Variants in PLG observed in about 807,000 individuals in gnomAD.
PLG encodes the protein plasminogen.
PLG carries 41 observed loss-of-function variants against 104.4 expected under a neutral mutation model. The observed-to-expected ratio is 0.39, with a 90% CI of 0.31 to 0.51. The LOEUF is 0.51. Among genes scored for constraint, PLG ranks in the 20% least tolerant of loss-of-function variants. The pLI is 0.76. For synonymous variants in PLG, 337 were observed against 357.1 expected, an observed-to-expected ratio of 0.94 and a Z score of 0.63; for missense variants, 891 against 1,003.6, an observed-to-expected ratio of 0.89 and a Z score of 1.52.
rs1459528455 is a variant in PLG, at chr6:160,731,191, C to T, written c.1397C>T (p.Pro466Leu). 1.2e-6 allele frequency: 2 copies of T among 1,614,182 alleles called. No individual in the cohort carries two copies. The highest frequency in any genetic ancestry group is 1.7e-6 in the Non-Finnish European group (2 of 1,180,004). ...GTEASVVAPP[P>L]VVLLPDVETP... ...GAAGCGAGTGTTGTAGCACCTCCGC[C>T]TGTTGTCCTGCTTCCAGATGTAGAG... The change falls in exon 11 of 19, where the codon CCT (proline) becomes CTT (leucine). Residue 466 changes from proline to leucine, a missense_variant. Physicochemically the swap from Pro to Leu is moderately conservative, Grantham distance 98 (BLOSUM62 -3). Transcript: ENST00000308192. The surrounding 1 kb of genome is among the most constrained non-coding windows in gnomAD (Gnocchi z 5.1).
Position 160,722,531 on chromosome 6 carries a change from A to G in PLG, c.1220A>G (p.His407Arg), listed in dbSNP as rs1562376086. 6.2e-7 allele frequency: 1 copy of G among 1,614,018 alleles called. No individual in the cohort carries two copies. Among genetic ancestry groups the G allele is most frequent in the Non-Finnish European group, 8.5e-7 (1 of 1,179,916 alleles). ...KCQSWSSMTPHRHQKTPENYP... is the reference protein window; with the variant it reads ...KCQSWSSMTPRRHQKTPENYP... The stretch of plus-strand genomic sequence containing the variant: ...CAGTCTTGGTCATCTATGACACCAC[A>G]CCGGCACCAGAAGACCCCAGAAAAC... The change falls in exon 10 of 19, where the codon CAC becomes CGC. Residue 407 changes from histidine to arginine, a missense_variant. Transcript: ENST00000308192.
chr6:160,704,191 C>A (rs1777476349), intron 1 of PLG, among the ~76,000 whole-genome samples: 1 of 152,164 alleles, frequency 6.6e-6, no homozygotes, highest in Admixed American at 6.5e-5. Context: ...CCTATCAAAT[C>A]CTATTGCCAT....
chr6:160,723,732 T>C lies in PLG; in HGVS notation c.1256+1165T>C, dbSNP rs1191085987. 1.3e-5 allele frequency among the ~76,000 whole-genome samples: 2 copies of C among 152,074 alleles called. No individual in the cohort carries two copies. The highest frequency in any genetic ancestry group is 6.5e-5 in the Admixed American group (1 of 15,274). ...AGAAAATAGGATAAAGAACAGCTAC[T>C]GGGGAAAGAAAAACTGCAGGGGAAC... On this transcript the variant is annotated intron_variant, in intron 10 of 18. Transcript: ENST00000308192. This position sits in a 1 kb window ranked among gnomAD's most constrained non-coding sequence, Gnocchi z 4.7.
Position 160,739,493 on chromosome 6 carries a change from T to C in PLG, c.2018+285T>C, listed in dbSNP as rs777914503. On this transcript the variant is annotated intron_variant, in intron 16 of 18. Coordinates refer to ENST00000308192, the MANE Select transcript of PLG (RefSeq NM_000301.5). This position sits in a 1 kb window ranked among gnomAD's most constrained non-coding sequence, Gnocchi z 4.4. ...CTTAATGTTCACCAGTTCATACACA[T>C]TCATGATCAGAGAACGATTCAGTTA... 6.6e-6 allele frequency among the ~76,000 whole-genome samples: 1 copy of C among 152,202 alleles called. No individual in the cohort carries two copies. Among genetic ancestry groups the C allele is most frequent in the Non-Finnish European group, 1.5e-5 (1 of 68,030 alleles).
intron 1 of PLG, chr6:160,705,363 CA>C (rs1229649438): frequency 1.3e-5 from 2 of 151,560 alleles, no homozygotes; most frequent in African/African-American, 4.9e-5. Flanking sequence ...AGGCAGAAAG[CA>C]GCTTTCGGAC....
At chr6:160,746,213 A>G (rs1322124145) in intron 17 of PLG, among the ~76,000 whole-genome samples, 1 of 152,180 alleles carries the variant, frequency 6.6e-6, no homozygotes, top group Non-Finnish European at 1.5e-5. Flanking sequence ...CAATATCCTG[A>G]AATGTTTTCT....
At position 160,729,038 on chromosome 6, in the gene PLG, G is replaced by T. The variant is rs191108153; in HGVS notation, c.1257-2013G>T. 5.1e-3 allele frequency among the ~76,000 whole-genome samples: 772 copies of T among 152,168 alleles called. 4 individuals carry two copies. The highest frequency in any genetic ancestry group is 7.5e-3 in the Non-Finnish European group (508 of 68,000). ...AATGGTTTGTATCTAGAGTATAAAC[G>T]TTTCTCCCACTCACTAATCAGAGGA... On this transcript the variant is annotated intron_variant, in intron 10 of 18. Coordinates refer to ENST00000308192, the MANE Select transcript of PLG (RefSeq NM_000301.5).
intron 17 of PLG, among the ~76,000 whole-genome samples, chr6:160,743,833 C>T (rs1243992384): frequency 1.3e-5 from 2 of 152,212 alleles, no homozygotes; most frequent in Admixed American, 1.3e-4. Context: ...AGATATATTC[C>T]TTCAGTACCT....
intron 17 of PLG, among the ~76,000 whole-genome samples, chr6:160,748,396 GAAAGGAAGA>G (rs1428264977): frequency 2.5e-5 from 1 of 40,396 alleles, no homozygotes; most frequent in Non-Finnish European, 5.0e-5. Flanking sequence ...AAGAAAGAAA[GAAAGGAAGA>G]AAGAAAGAAA....
chr6:160,733,205 G>A lies in PLG; in HGVS notation c.1588-790G>A, dbSNP rs4252136. ...CTACCACAGTGTCATATGAAGGGGA[G>A]GACAACACTGCCTTTCTGTGTCTTG... On this transcript the variant is annotated intron_variant, in intron 12 of 18. Coordinates refer to ENST00000308192, the MANE Select transcript of PLG (RefSeq NM_000301.5). Among the ~76,000 whole-genome samples, 1,331 of 152,280 alleles carry A rather than the reference G, an allele frequency of 8.7e-3. 15 individuals carry two copies. The highest frequency in any genetic ancestry group is 0.03 in the African/African-American group (1,253 of 41,554).
At chr6:160,751,992 G>A in intron 17 of PLG, 123 bp from the exon 18 acceptor site, 1 of 815,788 alleles carries the variant, frequency 1.2e-6, no homozygotes, top group South Asian at 1.4e-5. Context: ...CAGCGGCATT[G>A]GGAGCTGCCT....
rs1777430763 is a variant in PLG at position 160,702,271 on chromosome 6, A to G, written c.-34A>G. 6.2e-7 allele frequency: 1 copy of G among 1,609,044 alleles called. No individual in the cohort carries two copies. The highest frequency in any genetic ancestry group is 8.5e-7 in the Non-Finnish European group (1 of 1,179,456). ...AAGTCAACAACATCCTGGGATTGGG[A>G]CCCACTTTCTGGGCACTGCTGGCCA... On this transcript the variant is annotated 5_prime_UTR_variant, in exon 1 of 19. Transcript: ENST00000308192.
Position 160,732,580 on chromosome 6 carries a change from A to T in PLG, c.1587+687A>T, listed in dbSNP as rs2115174651. On this transcript the variant is annotated intron_variant, in intron 12 of 18. Coordinates refer to ENST00000308192, the MANE Select transcript of PLG (RefSeq NM_000301.5). The surrounding 1 kb of genome is among the most constrained non-coding windows in gnomAD (Gnocchi z 4.5). ...GTCCCACAAGACCGCCCCACTGCAG[A>T]TGCCAATCCCAAGTTCCAGGCGGTG... Among the ~76,000 whole-genome samples the T allele has an allele frequency of 6.6e-6, 1 of 152,312 alleles. No individual in the cohort carries two copies. Among genetic ancestry groups the T allele is most frequent in the Admixed American group, 6.5e-5 (1 of 15,296 alleles).
intron 17 of PLG, among the ~76,000 whole-genome samples, chr6:160,743,011 CTTTTTT>C (rs3028193): frequency 3.6e-5 from 5 of 140,628 alleles, no homozygotes; most frequent in Admixed American, 7.0e-5. Context: ...GTCTACGTGT[CTTTTTT>C]TTTTTTTTTT....
Position 160,736,783 on chromosome 6 carries a change from G to C in PLG, c.1682-104G>C. 1.4e-6 allele frequency: 2 copies of C among 1,431,162 alleles called. No individual in the cohort carries two copies. The highest frequency in any genetic ancestry group is 2.3e-5 in the South Asian group (2 of 86,018). 88.7% of individuals were successfully genotyped at this position (1,431,162 alleles called of 1,614,324 possible). On this transcript the variant is annotated intron_variant, in intron 13 of 18. Coordinates refer to ENST00000308192, the MANE Select transcript of PLG (RefSeq NM_000301.5). This position sits in a 1 kb window ranked among gnomAD's most constrained non-coding sequence, Gnocchi z 5.2. ...GATGATGATTTTACTATTTAGTTCG[G>C]CCTTTAAGATGTCAAAAACTCAGTG...
Position 160,724,579 on chromosome 6 carries a change from C to A in PLG, c.1256+2012C>A, listed in dbSNP as rs932846556. ...GCAACAAGAAAAATCTTATTAGAAG[C>A]CAGAAGAAGAAAATATATGTTTACA... is the stretch of plus-strand genomic sequence containing the variant. On this transcript the variant is annotated intron_variant, in intron 10 of 18. Transcript: ENST00000308192. The surrounding 1 kb of genome is among the most constrained non-coding windows in gnomAD (Gnocchi z 5.0). Among the ~76,000 whole-genome samples, 1 of 151,672 alleles carries A rather than the reference C, an allele frequency of 6.6e-6. No homozygotes were observed. The highest frequency in any genetic ancestry group is 1.5e-5 in the Non-Finnish European group (1 of 67,912).
rs1778137331 is a variant in PLG at position 160,738,956 on chromosome 6, C to CA, written c.1878-111dup. ...ATTTTGCTTCTTGCCACTCAGAAGTCACTAATTCTGAGTGGCCAAGGGTGT... is the reference window on the plus strand; with the variant it reads ...ATTTTGCTTCTTGCCACTCAGAAGTCAACTAATTCTGAGTGGCCAAGGGTGT... On this transcript the variant is annotated intron_variant, in intron 15 of 18. Transcript: ENST00000308192. The surrounding 1 kb of genome is among the most constrained non-coding windows in gnomAD (Gnocchi z 6.8). 8 of 1,256,054 alleles carry CA rather than the reference C, an allele frequency of 6.4e-6. No homozygotes were observed. In the Admixed American group the frequency reaches 1.4e-4, roughly 21 times the overall value. The allele number at this position is 1,256,054 out of a possible 1,614,324, so 77.8% of individuals were successfully genotyped here.
rs576653681 is a variant in PLG at position 160,706,278 on chromosome 6, T to C, written c.50-129T>C. The C allele has an allele frequency of 2.2e-4, 271 of 1,236,104 alleles. No individual in the cohort carries two copies. In the African/African-American group the frequency reaches 3.7e-3, roughly 17 times the overall value. The allele number at this position is 1,236,104 out of a possible 1,614,324, so 76.6% of individuals were successfully genotyped here. Reference sequence around the variant, plus strand: ...AAACATTTTGATTCATAGCTACCCATTCTACTTCCAGTAAACAGAAAGTTT... The same window carrying C: ...AAACATTTTGATTCATAGCTACCCACTCTACTTCCAGTAAACAGAAAGTTT... On this transcript the variant is annotated intron_variant, in intron 1 of 18. Coordinates refer to ENST00000308192, the MANE Select transcript of PLG (RefSeq NM_000301.5).
Position 160,741,383 on chromosome 6 carries a change from C to T in PLG, c.2091C>T (p.Thr697=), listed in dbSNP as rs755323263. The change falls in exon 17 of 19, where the codon ACC becomes ACT. Residue 697 remains threonine, a synonymous_variant. Transcript: ENST00000308192. This position sits in a 1 kb window ranked among gnomAD's most constrained non-coding sequence, Gnocchi z 4.7. The stretch of plus-strand genomic sequence containing the variant: ...CAAATTATGTGGTCGCTGACCGGAC[C>T]GAATGTTTCATCACTGGCTGGGGAG... The part of the protein sequence containing the change: ...PSPNYVVADR[T]ECFITGWGET... The T allele has an allele frequency of 6.4e-5, 104 of 1,612,844 alleles. 1 individual carries two copies. In the Admixed American group the frequency reaches 1.1e-3, roughly 16 times the overall value.
Sources: allele counts gnomAD v4.1 joint callset (sites outside exome capture counted in the v4.1 genomes callset), GRCh38; gene constraint gnomAD v4.1.1; non-coding constraint Gnocchi (gnomAD v3.1); transcripts MANE v1.5; gene names NCBI Gene and HGNC (gene_info 2026-07-23, HGNC 2026-07-21).